DPH6: variants seen among roughly 807,000 people sequenced by gnomAD.
DPH6 encodes the protein diphthamine biosynthesis 6.
DPH6 carries 33 observed loss-of-function variants against 38.2 expected under a neutral mutation model. The observed-to-expected ratio is 0.86, with a 90% CI of 0.65 to 1.15. The LOEUF (loss-of-function observed/expected upper bound fraction) is 1.15. Ranked by LOEUF, DPH6 falls within the 50% of genes most tolerant of loss-of-function variation. The pLI is 0.00. For missense variants in DPH6, 325 were observed against 320.0 expected (o/e 1.02, Z -0.12); for synonymous variants, 108 against 103.0 (o/e 1.05, Z -0.30).
intron 3 of DPH6, among the ~76,000 whole-genome samples, chr15:35,357,431 G>C (rs978097271): frequency 6.6e-6 from 1 of 152,114 alleles, no homozygotes; most frequent in African/African-American, 2.4e-5. Context: ...CTCCCTCTGT[G>C]TATTTTATTT....
downstream of DPH6, among the ~76,000 whole-genome samples, chr15:35,214,262 A>G (rs1313201740): frequency 2.0e-5 from 3 of 152,188 alleles, no homozygotes; most frequent in Non-Finnish European, 2.9e-5. Context: ...AGTGATTTTC[A>G]TAGGGCTACT....
intron 3 of DPH6, among the ~76,000 whole-genome samples, chr15:35,331,747 T>C (rs2052328556): frequency 6.6e-6 from 1 of 152,198 alleles, no homozygotes; most frequent in South Asian, 2.1e-4. Flanking sequence ...CTGTAGAATG[T>C]GCCCTAAAAT....
chr15:35,333,522 T>G (rs1005926534), intron 3 of DPH6, among the ~76,000 whole-genome samples: 3 of 152,162 alleles, frequency 2.0e-5, no homozygotes, highest in Non-Finnish European at 4.4e-5. Context: ...TGATTCCAAT[T>G]ACATAAATTA....
chr15:35,299,507 G>A (rs2052039922), intron 3 of DPH6: 3 of 686,670 alleles, frequency 4.4e-6, no homozygotes, highest in Non-Finnish European at 2.7e-6. Flanking sequence ...CGGCAGCGCG[G>A]AGCCGGGGAG....
At chr15:35,418,185 G>A (rs2053459315) in intron 5 of DPH6, among the ~76,000 whole-genome samples, 1 of 151,928 alleles carries the variant, frequency 6.6e-6, no homozygotes, top group Non-Finnish European at 1.5e-5. Context: ...AGTTAATTAT[G>A]GAATGTGAGT....
intron 3 of DPH6, among the ~76,000 whole-genome samples, chr15:35,280,606 G>T (rs1435963530): frequency 6.6e-6 from 1 of 152,106 alleles, no homozygotes; most frequent in African/African-American, 2.4e-5. Flanking sequence ...CTCCATATTA[G>T]GTTTTCATAG....
chr15:35,234,907 A>C (rs1017039497), intron 3 of DPH6, among the ~76,000 whole-genome samples: 3 of 152,256 alleles, frequency 2.0e-5, no homozygotes, highest in Non-Finnish European at 4.4e-5. Flanking sequence ...GTAAATCCAG[A>C]GGAAGTAGAA....
Position 35,436,509 on chromosome 15 carries a change from C to CAAAAAAA in DPH6, c.505+14175_505+14176insTTTTTTT, listed in dbSNP as rs1491101707. Among the ~76,000 whole-genome samples, 18 of 107,564 alleles carry CAAAAAAA rather than the reference C, an allele frequency of 1.7e-4. 3 individuals carry two copies. The highest frequency in any genetic ancestry group is 2.5e-4 in the African/African-American group (6 of 23,820). The allele number at this position is 107,564 out of a possible 152,430, so 70.6% of individuals were successfully genotyped here. On this transcript the variant is annotated intron_variant, in intron 5 of 8. Transcript: ENST00000256538. ...CAAAACAAAACAAAACAAAACAAAA[C>CAAAAAAA]AAAACAAAAAAGGTTCTCTCCCTGT...
chr15:35,396,164 T>C (rs943652277), intron 6 of DPH6: 2 of 151,728 alleles, frequency 1.3e-5, no homozygotes, highest in African/African-American at 2.4e-5. Context: ...GTTTACATAA[T>C]TGAATCCTCC....
intron 6 of DPH6, among the ~76,000 whole-genome samples, chr15:35,391,611 G>C (rs1011727170): frequency 6.6e-6 from 1 of 152,174 alleles, no homozygotes. Flanking sequence ...AGCAGTAAGC[G>C]AGGCTCCGTG....
At chr15:35,175,954 G>A in the DPH6 span, among the ~76,000 whole-genome samples, 1 of 152,180 alleles carries the variant, frequency 6.6e-6, no homozygotes, top group Non-Finnish European at 1.5e-5. Flanking sequence ...CAAGTCAAAC[G>A]TGGAGAAAAA....
chr15:35,339,551 C>T (rs1169014190), intron 3 of DPH6, among the ~76,000 whole-genome samples: 1 of 152,058 alleles, frequency 6.6e-6, no homozygotes. Flanking sequence ...TCTCGAACTC[C>T]TAACTTCAGG....
At chr15:35,254,870 T>C (rs1433325185) in intron 3 of DPH6, among the ~76,000 whole-genome samples, 1 of 152,036 alleles carries the variant, frequency 6.6e-6, no homozygotes, top group Non-Finnish European at 1.5e-5. Context: ...GGGGTGGATC[T>C]CACAAAGTAC....
intron 3 of DPH6, among the ~76,000 whole-genome samples, chr15:35,336,489 C>T (rs546482349): frequency 3.9e-4 from 60 of 152,184 alleles, no homozygotes; most frequent in African/African-American, 1.3e-3. Flanking sequence ...GCATTCATCA[C>T]GTAGTTCTTG....
chr15:35,195,963 T>C, the DPH6 span, among the ~76,000 whole-genome samples: 5 of 152,044 alleles, frequency 3.3e-5, no homozygotes, highest in Non-Finnish European at 4.4e-5. Flanking sequence ...AACTTACAAG[T>C]GTGGGCTGGT....
At chr15:35,254,449 C>CTG in intron 3 of DPH6, among the ~76,000 whole-genome samples, 1 of 152,306 alleles carries the variant, frequency 6.6e-6, no homozygotes, top group Middle Eastern at 3.4e-3. Context: ...CAATACAATA[C>CTG]TGTACATACT....
chr15:35,276,007 CTT>C (rs983131020), intron 3 of DPH6, among the ~76,000 whole-genome samples: 2 of 152,122 alleles, frequency 1.3e-5, no homozygotes, highest in African/African-American at 4.8e-5. Flanking sequence ...ACTTTTAGTT[CTT>C]TAAGGAATCT....
chr15:35,223,277 A>C (rs1566842928), intron 3 of DPH6, among the ~76,000 whole-genome samples: 1 of 152,194 alleles, frequency 6.6e-6, no homozygotes, highest in Admixed American at 6.5e-5. Context: ...AAGAAAGGCA[A>C]ATCTACTCTC....
At chr15:35,376,625 C>T (rs969865349) in intron 7 of DPH6, among the ~76,000 whole-genome samples, 2 of 152,136 alleles carry the variant, frequency 1.3e-5, no homozygotes, top group African/African-American at 4.8e-5. Context: ...TCACCCAGAG[C>T]AACTTTCAGT....
Sources: allele counts gnomAD v4.1 joint callset (sites outside exome capture counted in the v4.1 genomes callset), GRCh38; gene constraint gnomAD v4.1.1; transcripts MANE v1.5; gene names NCBI Gene and HGNC (gene_info 2026-07-23, HGNC 2026-07-21).